NCOA6: variants seen among roughly 807,000 people sequenced by gnomAD.
NCOA6 encodes nuclear receptor coactivator 6, also known as NRC RAP250.
NCOA6 carries 49 observed loss-of-function variants against 171.4 expected under a neutral mutation model. The observed-to-expected ratio is 0.29, with a 90% CI of 0.23 to 0.36. NCOA6 has a LOEUF of 0.36. NCOA6 is among the 10% of genes least tolerant of loss of function. The pLI is 1.00. For synonymous variants in NCOA6, 910 were observed against 927.5 expected (o/e 0.98, Z 0.34); for missense variants, 2,248 against 2,554.5 (o/e 0.88, Z 2.59).
intron 13 of NCOA6, 84 bp from the exon 14 acceptor site, chr20:34,727,491 T>C: frequency 6.9e-7 from 1 of 1,440,972 alleles, no homozygotes; most frequent in South Asian, 1.2e-5. Flanking sequence ...GTTTCATTCG[T>C]AAAGTAGGAG....
At chr20:34,751,453 T>C (rs1016989221) in intron 8 of NCOA6, among the ~76,000 whole-genome samples, 4 of 149,394 alleles carry the variant, frequency 2.7e-5, no homozygotes, top group African/African-American at 1.0e-4. Context: ...CATTTAAAAA[T>C]GCTTCTTGGA....
Position 34,742,846 on chromosome 20 carries a change from C to T in NCOA6, c.3410G>A (p.Gly1137Asp), listed in dbSNP as rs758758102. The change falls in exon 11 of 15, where the codon GGC becomes GAC. Residue 1137 changes from glycine (G) to aspartate (D), a missense_variant. By Grantham distance (94) the Gly-to-Asp change is moderately conservative. This residue lies in a region of NCOA6 where 352 missense variants were observed against 419.1 expected (regional missense o/e 0.84). Coordinates refer to ENST00000359003, the MANE Select transcript of NCOA6 (RefSeq NM_014071.5). ...AEMASLPEASGSEAPSVPGGP... is the reference protein window; with the variant it reads ...AEMASLPEASDSEAPSVPGGP... The stretch of plus-strand genomic sequence containing the variant: ...TCCTGGGACAGATGGTGCTTCACTG[C>T]CACTTGCTTCAGGGAGTGAGGCCAT... The T allele has an allele frequency of 1.9e-6, 3 of 1,614,166 alleles. No homozygotes were observed. In the South Asian group the frequency reaches 3.3e-5, roughly 18 times the overall value.
intron 1 of NCOA6, among the ~76,000 whole-genome samples, chr20:34,803,192 G>C (rs147977703): frequency 1.8e-3 from 280 of 152,264 alleles, no homozygotes; most frequent in African/African-American, 6.5e-3. Flanking sequence ...AACAGGTCAG[G>C]CATGATGGCT....
At chr20:34,754,514 T>C (rs1339018441) in intron 8 of NCOA6, among the ~76,000 whole-genome samples, 2 of 152,226 alleles carry the variant, frequency 1.3e-5, no homozygotes, top group African/African-American at 4.8e-5. Flanking sequence ...AAGTTCCATC[T>C]CCTCTTAGAT....
At chr20:34,783,030 C>T (rs1473377183) in intron 2 of NCOA6, among the ~76,000 whole-genome samples, 1 of 152,112 alleles carries the variant, frequency 6.6e-6, no homozygotes, top group Non-Finnish European at 1.5e-5. Context: ...ACCTGTAATC[C>T]CAGCACTTTG....
chr20:34,748,748 T>C (rs191527425), intron 9 of NCOA6, among the ~76,000 whole-genome samples: 289 of 152,342 alleles, frequency 1.9e-3, no homozygotes, highest in Middle Eastern at 3.4e-3. Flanking sequence ...TCCAATCATC[T>C]TAGCGTGGGG....
chr20:34,715,074 T>A lies in NCOA6; in HGVS notation c.*248A>T, dbSNP rs941901497. 1.3e-5 allele frequency: 6 copies of A among 450,704 alleles called. No homozygotes were observed. The highest frequency in any genetic ancestry group is 1.0e-4 in the African/African-American group (5 of 49,852). 27.9% of individuals were successfully genotyped at this position (450,704 alleles called of 1,614,324 possible). On this transcript the variant is annotated 3_prime_UTR_variant, in exon 15 of 15. Coordinates refer to ENST00000359003, the MANE Select transcript of NCOA6 (RefSeq NM_014071.5). ...ATGTGAAAACTAGTAACATTTATAATGGCATTAGCTCCTTTCAATACAAGA... is the reference window on the plus strand; with the variant it reads ...ATGTGAAAACTAGTAACATTTATAAAGGCATTAGCTCCTTTCAATACAAGA...
At chr20:34,809,437 T>C (rs1601129408) in intron 1 of NCOA6, 3 of 398,520 alleles carry the variant, frequency 7.5e-6, no homozygotes, top group African/African-American at 4.1e-5. Context: ...TCATGTATTC[T>C]ACAGAATCAA....
chr20:34,776,190 A>C (rs2077315946), intron 4 of NCOA6, 103 bp downstream of exon 4: 1 of 1,433,392 alleles, frequency 7.0e-7, no homozygotes, highest in Non-Finnish European at 9.5e-7. Flanking sequence ...TGGCATTCTG[A>C]AACACAAGAG....
At chr20:34,794,741 T>C (rs1238226112) in intron 1 of NCOA6, among the ~76,000 whole-genome samples, 1 of 152,130 alleles carries the variant, frequency 6.6e-6, no homozygotes. Context: ...AAAATGATGT[T>C]ATACCAGAGG....
Position 34,757,497 on chromosome 20 carries a change from G to C in NCOA6, c.1251C>G (p.Pro417=). 6.2e-7 allele frequency: 1 copy of C among 1,613,922 alleles called. No individual in the cohort carries two copies. The highest frequency in any genetic ancestry group is 2.2e-5 in the East Asian group (1 of 44,884). ...TGTTGGTGAGGTGGGGCTGCTGCAA[G>C]GGAGTTGGGACCCTAGAGGGCCCTC... ...LQGGPSRVPT[P]LQQPHLTNKS... Residue 417 remains proline (P), a synonymous_variant, in exon 7 of 15, where the codon CCC becomes CCG. Coordinates refer to ENST00000359003, the MANE Select transcript of NCOA6 (RefSeq NM_014071.5).
At position 34,727,376 on chromosome 20, in the gene NCOA6, T is replaced by C; in HGVS notation, c.6031A>G (p.Lys2011Glu). Residue 2011 changes from lysine (K) to glutamate (E), a missense_variant, in exon 14 of 15, where the codon AAA becomes GAA. Physicochemically the swap from Lys to Glu is moderately conservative, Grantham distance 56 (BLOSUM62 1). Transcript: ENST00000359003. ...SEPKEIVEKSKIPGRRNSRTE... is the reference protein window; with the variant it reads ...SEPKEIVEKSEIPGRRNSRTE... ...CGGGAGTTTCTTCGGCCTGGGATTT[T>C]GGACTTTTCAACTATCTCTTTGGGC... is the stretch of plus-strand genomic sequence containing the variant. 6.2e-7 allele frequency: 1 copy of C among 1,614,044 alleles called. No individual in the cohort carries two copies. Among genetic ancestry groups the C allele is most frequent in the Non-Finnish European group, 8.5e-7 (1 of 1,180,042 alleles).
intron 12 of NCOA6, among the ~76,000 whole-genome samples, chr20:34,735,013 A>T (rs2075905683): frequency 6.6e-6 from 1 of 152,310 alleles, no homozygotes; most frequent in African/African-American, 2.4e-5. Flanking sequence ...ATCACTGCTG[A>T]TTCACAAGTA....
Position 34,740,689 on chromosome 20 carries a change from C to T in NCOA6, c.5567G>A (p.Gly1856Glu), listed in dbSNP as rs2076111881. The T allele has an allele frequency of 1.2e-6, 2 of 1,614,034 alleles. No homozygotes were observed. The highest frequency in any genetic ancestry group is 1.3e-5 in the African/African-American group (1 of 74,912). Reference sequence around the variant, plus strand: ...GAGCCCCGGAGCTGTGGTGTCTAGCCCTTGGCCTTCAGTCTCTCCATCTGC... The same window carrying T: ...GAGCCCCGGAGCTGTGGTGTCTAGCTCTTGGCCTTCAGTCTCTCCATCTGC... Reference protein sequence around the residue: ...YGADGETEGQGLDTTAPGLMG... With the variant: ...YGADGETEGQELDTTAPGLMG... Residue 1856 changes from glycine to glutamate, a missense_variant, in exon 11 of 15, where the codon GGG becomes GAG. Gly to Glu is a moderately conservative substitution (Grantham distance 98, BLOSUM62 -2). Coordinates refer to ENST00000359003, the MANE Select transcript of NCOA6 (RefSeq NM_014071.5).
chr20:34,775,661 G>A (rs1392408311), intron 4 of NCOA6, among the ~76,000 whole-genome samples: 1 of 125,770 alleles, frequency 8.0e-6, no homozygotes, highest in African/African-American at 3.1e-5. Flanking sequence ...CTCCATCCTG[G>A]GACTCTGTCT....
intron 1 of NCOA6, among the ~76,000 whole-genome samples, chr20:34,821,906 C>T (rs2079020945): frequency 6.6e-6 from 1 of 152,094 alleles, no homozygotes; most frequent in Non-Finnish European, 1.5e-5. Context: ...CTTTTTTAAA[C>T]CTCTTTGACA....
intron 5 of NCOA6, among the ~76,000 whole-genome samples, chr20:34,765,480 A>G (rs1265115722): frequency 3.3e-5 from 5 of 151,922 alleles, no homozygotes; most frequent in Non-Finnish European, 7.4e-5. Context: ...CTTGGTCCAT[A>G]ATGAGCTTCC....
intron 4 of NCOA6, among the ~76,000 whole-genome samples, chr20:34,775,748 G>A (rs186041092): frequency 2.1e-4 from 32 of 151,660 alleles, no homozygotes; most frequent in African/African-American, 7.7e-4. Flanking sequence ...ACTGTTGAAG[G>A]CTTCATAATC....
At position 34,757,310 on chromosome 20, in the gene NCOA6, C is replaced by A; in HGVS notation, c.1438G>T (p.Val480Phe). ...TTAGGTGGCACATTTCCCTGTTGAA[C>A]CATAGGATTCCGACCCGGAGAGCTG... ...PVSSPGRNPM[V>F]QQGNVPPNFM... Residue 480 changes from valine to phenylalanine, a missense_variant, in exon 7 of 15, where the codon GTT (valine) becomes TTT (phenylalanine). Physicochemically the swap from Val to Phe is conservative, Grantham distance 50 (BLOSUM62 -1). Around this residue, in one of 7 missense-constraint regions of NCOA6, gnomAD observed 987 missense variants for 1,104.7 expected, o/e 0.89. Coordinates refer to ENST00000359003, the MANE Select transcript of NCOA6 (RefSeq NM_014071.5). The A allele has an allele frequency of 1.2e-6, 2 of 1,614,072 alleles. No individual in the cohort carries two copies. The highest frequency in any genetic ancestry group is 1.7e-6 in the Non-Finnish European group (2 of 1,179,964).
Sources: gnomAD v4.1 joint callset for allele counts (sites outside exome capture counted in the v4.1 genomes callset) on GRCh38, gnomAD v4.1.1 for gene constraint, gnomAD v4.1.1 regional missense constraint, MANE v1.5 for transcripts, NCBI Gene and HGNC (gene_info 2026-07-23, HGNC 2026-07-21) for gene names.